Variants in IL1RAPL2 observed in about 807,000 individuals in gnomAD.
The protein encoded by IL1RAPL2 is interleukin 1 receptor accessory protein like 2.
Under a neutral mutation model 44.1 loss-of-function variants are expected in IL1RAPL2, and 3 were observed. The observed-to-expected ratio is 0.07, with a 90% confidence interval of 0.03 to 0.18. The LOEUF (loss-of-function observed/expected upper bound fraction) is 0.18. Among genes scored for constraint, IL1RAPL2 ranks in the 10% least tolerant of loss-of-function variants. The pLI is 1.00. For missense variants in IL1RAPL2, 391 were observed against 496.4 expected (o/e 0.79, Z 2.02); for synonymous variants, 181 against 178.8 (o/e 1.01, Z -0.10).
chrX:105,701,329 ACTCAAGGG>A (rs1259657322), intron 6 of IL1RAPL2, among the ~76,000 whole-genome samples: 12 of 111,014 alleles, frequency 1.1e-4, no homozygotes, highest in African/African-American at 3.9e-4. Context: ...CCTTGAGACA[ACTCAAGGG>A]TGATTTTAAG....
intron 2 of IL1RAPL2, among the ~76,000 whole-genome samples, chrX:104,680,634 C>A (rs1477544781): frequency 9.0e-6 from 1 of 111,121 alleles, no homozygotes; most frequent in Non-Finnish European, 1.9e-5. Context: ...TAAAAAAAAA[C>A]ACTAAAATTT....
intron 2 of IL1RAPL2, among the ~76,000 whole-genome samples, chrX:104,918,922 C>T (rs1924543980): frequency 9.0e-6 from 1 of 111,430 alleles, no homozygotes; most frequent in Non-Finnish European, 1.9e-5. Context: ...GTCCCTAAGC[C>T]ACCTTTACAA....
intron 1 of IL1RAPL2, chrX:104,647,815 C>T: frequency 1.8e-6 from 1 of 546,689 alleles, no homozygotes; most frequent in South Asian, 2.4e-5. Context: ...TAATTGGTTT[C>T]TGTACCCATG....
chrX:105,315,972 G>A (rs2147684342), intron 5 of IL1RAPL2, among the ~76,000 whole-genome samples: 1 of 109,987 alleles, frequency 9.1e-6, no homozygotes, highest in East Asian at 2.9e-4. Context: ...TAATAAGAAG[G>A]GTATTAAAAA....
At chrX:105,626,140 C>A (rs1218858875) in intron 6 of IL1RAPL2, among the ~76,000 whole-genome samples, 1 of 111,448 alleles carries the variant, frequency 9.0e-6, no homozygotes, top group African/African-American at 3.3e-5. Context: ...ATAGGAGGAA[C>A]CTGACATAAG....
intron 5 of IL1RAPL2, chrX:105,405,573 G>A (rs56068472): frequency 1.2e-4 from 90 of 751,655 alleles, no homozygotes; most frequent in Non-Finnish European, 1.4e-5. Flanking sequence ...GGGGAAGGGC[G>A]AGAGGAGAAA....
intron 2 of IL1RAPL2, among the ~76,000 whole-genome samples, chrX:104,779,865 A>T (rs1346444225): frequency 9.0e-6 from 1 of 110,778 alleles, no homozygotes; most frequent in Non-Finnish European, 1.9e-5. Context: ...GGAGGTACAA[A>T]GTGGGGGTGG....
chrX:105,423,778 A>G (rs2035788942), intron 5 of IL1RAPL2, among the ~76,000 whole-genome samples: 1 of 109,849 alleles, frequency 9.1e-6, no homozygotes, highest in East Asian at 2.9e-4. Flanking sequence ...CATCTTCCCT[A>G]CTGGGAGCGA....
chrX:105,343,605 G>C (rs1454489822), intron 5 of IL1RAPL2, among the ~76,000 whole-genome samples: 1 of 111,464 alleles, frequency 9.0e-6, no homozygotes, highest in African/African-American at 3.3e-5. Context: ...ATAACTATTT[G>C]GTGGCATGTA....
chrX:104,894,681 A>G (rs1480740051), intron 2 of IL1RAPL2, among the ~76,000 whole-genome samples: 1 of 111,672 alleles, frequency 9.0e-6, no homozygotes, highest in Non-Finnish European at 1.9e-5. Flanking sequence ...CTAGTTAGCC[A>G]TTCATCTAAT....
chrX:104,986,059 A>G (rs1482493012), intron 2 of IL1RAPL2, among the ~76,000 whole-genome samples: 3 of 112,281 alleles, frequency 2.7e-5, no homozygotes, highest in Admixed American at 9.5e-5. Flanking sequence ...TTTGTCCTTC[A>G]GAGTTCTGCT....
intron 6 of IL1RAPL2, among the ~76,000 whole-genome samples, chrX:105,509,128 T>G (rs757917233): frequency 0.016 from 1,767 of 112,021 alleles, 43 homozygotes; most frequent in African/African-American, 0.055. Flanking sequence ...TACATTTTAC[T>G]TGAGAGACAA....
At chrX:105,309,823 C>CTA (rs1016244395) in intron 5 of IL1RAPL2, among the ~76,000 whole-genome samples, 9 of 111,269 alleles carry the variant, frequency 8.1e-5, no homozygotes, top group Admixed American at 7.7e-4. Context: ...AGGTAAAAGT[C>CTA]TATATCTAGG....
At chrX:104,808,309 C>T (rs1932938604) in intron 2 of IL1RAPL2, among the ~76,000 whole-genome samples, 1 of 111,438 alleles carries the variant, frequency 9.0e-6, no homozygotes, top group African/African-American at 3.3e-5. Context: ...TTATCATAAC[C>T]CTCTGACATA....
At chrX:104,585,361 T>TATAATATATATTATATAA (rs1928530475) in intron 1 of IL1RAPL2, among the ~76,000 whole-genome samples, 62 of 16,556 alleles carry the variant, frequency 3.7e-3, no homozygotes, top group African/African-American at 5.2e-3. Flanking sequence ...ATTATATATA[T>TATAATATATATTATATAA]TATATATATT....
At chrX:105,039,593 C>T (rs1405543235) in intron 2 of IL1RAPL2, among the ~76,000 whole-genome samples, 1 of 111,599 alleles carries the variant, frequency 9.0e-6, no homozygotes, top group African/African-American at 3.3e-5. Context: ...AAGAGAGGTC[C>T]TTCACGTCCC....
At chrX:105,272,254 C>T (rs1361725570) in intron 5 of IL1RAPL2, among the ~76,000 whole-genome samples, 1 of 108,554 alleles carries the variant, frequency 9.2e-6, no homozygotes, top group Non-Finnish European at 1.9e-5. Context: ...GCACAATGTG[C>T]ACATGTACCC....
chrX:105,394,563 C>A (rs1204860506), intron 5 of IL1RAPL2, among the ~76,000 whole-genome samples: 1 of 110,998 alleles, frequency 9.0e-6, no homozygotes, highest in Non-Finnish European at 1.9e-5. Context: ...CTTCTTCTAA[C>A]CTATTTAATT....
At chrX:104,993,121 C>T (rs1188261461) in intron 2 of IL1RAPL2, among the ~76,000 whole-genome samples, 4 of 110,422 alleles carry the variant, frequency 3.6e-5, no homozygotes, top group Non-Finnish European at 7.6e-5. Context: ...TGTATTCAGC[C>T]GAGAGAGTTG....
Sources: allele counts gnomAD v4.1 joint callset (sites outside exome capture counted in the v4.1 genomes callset), GRCh38; gene constraint gnomAD v4.1.1; transcripts MANE v1.5; gene names NCBI Gene and HGNC (gene_info 2026-07-23, HGNC 2026-07-21).